The following C3orf85 variants were observed in gnomAD, a reference collection of about 807,000 sequenced individuals.
The protein encoded by C3orf85 is uncharacterized protein C3orf85.
Under a neutral mutation model 1.7 loss-of-function variants are expected in C3orf85, and 1 was observed. The observed-to-expected ratio is 0.60, with a 90% CI of 0.21 to 2.86. The LOEUF is 2.86. C3orf85 is among the 30% of genes most tolerant of loss of function. The pLI, the probability that C3orf85 is intolerant of heterozygous loss-of-function variation, is 0.22. For missense variants in C3orf85, 29 were observed against 21.3 expected, an observed-to-expected ratio of 1.36 and a Z score of -0.72; for synonymous variants, 17 against 8.0, an observed-to-expected ratio of 2.13 and a Z score of -1.90.
intron 2 of C3orf85, among the ~76,000 whole-genome samples, chr3:109,139,299 G>A (rs1381321958): frequency 2.0e-5 from 3 of 152,320 alleles, no homozygotes; most frequent in Middle Eastern, 3.4e-3. Flanking sequence ...GGTAGAGGCA[G>A]TATCATAGCC....
intron 2 of C3orf85, among the ~76,000 whole-genome samples, chr3:109,143,687 A>G (rs1236919656): frequency 6.6e-6 from 1 of 152,200 alleles, no homozygotes; most frequent in Non-Finnish European, 1.5e-5. Flanking sequence ...TACATTCCAG[A>G]TCAAAATATT....
At chr3:109,143,277 G>A (rs1408046412) in intron 2 of C3orf85, among the ~76,000 whole-genome samples, 3 of 152,136 alleles carry the variant, frequency 2.0e-5, no homozygotes, top group Non-Finnish European at 4.4e-5. Flanking sequence ...CCTACCACAA[G>A]TATCATTTCA....
chr3:109,142,980 T>C (rs1706757146), intron 2 of C3orf85, among the ~76,000 whole-genome samples: 1 of 152,200 alleles, frequency 6.6e-6, no homozygotes, highest in Non-Finnish European at 1.5e-5. Flanking sequence ...CAATTGCAGG[T>C]TGCAGAACCA....
chr3:109,149,051 A>G (rs1395392838), intron 3 of C3orf85: 1 of 152,234 alleles, frequency 6.6e-6, no homozygotes, highest in Non-Finnish European at 1.5e-5. Flanking sequence ...TGATAGAAGA[A>G]GACATTAAAA....
At chr3:109,141,716 G>A (rs1369946401) in intron 2 of C3orf85, among the ~76,000 whole-genome samples, 1 of 152,204 alleles carries the variant, frequency 6.6e-6, no homozygotes, top group African/African-American at 2.4e-5. Context: ...AAATAAAATA[G>A]CTATGCCATT....
intron 2 of C3orf85, among the ~76,000 whole-genome samples, chr3:109,140,859 G>A (rs1706736952): frequency 6.6e-6 from 1 of 152,186 alleles, no homozygotes; most frequent in African/African-American, 2.4e-5. Flanking sequence ...ACCACTTCCT[G>A]TTTACTTTCC....
chr3:109,140,390 C>T (rs1025619336), intron 2 of C3orf85, among the ~76,000 whole-genome samples: 4 of 152,170 alleles, frequency 2.6e-5, no homozygotes, highest in African/African-American at 9.7e-5. Flanking sequence ...GGTTCCTACA[C>T]AGGAACAGGA....
intron 2 of C3orf85, among the ~76,000 whole-genome samples, chr3:109,147,050 G>C (rs1706807717): frequency 6.6e-6 from 1 of 152,002 alleles, no homozygotes; most frequent in African/African-American, 2.4e-5. Flanking sequence ...TTAAGATACT[G>C]AAACACATCA....
intron 2 of C3orf85, 113 bp from the exon 3 acceptor site, chr3:109,148,140 C>A: frequency 1.6e-6 from 1 of 609,058 alleles, no homozygotes; most frequent in East Asian, 2.7e-5. Context: ...TCCAGAGTTT[C>A]CTCCTCAGGC....
intron 2 of C3orf85, among the ~76,000 whole-genome samples, chr3:109,145,517 G>C (rs1706788928): frequency 6.6e-6 from 1 of 152,130 alleles, no homozygotes; most frequent in South Asian, 2.1e-4. Context: ...GTTTCTGTTT[G>C]AGACAATGAA....
intron 2 of C3orf85, among the ~76,000 whole-genome samples, chr3:109,144,633 C>T (rs1245999639): frequency 1.3e-5 from 2 of 152,144 alleles, no homozygotes; most frequent in African/African-American, 4.8e-5. Context: ...TTAAAGCATG[C>T]TTCTCTGCCA....
chr3:109,148,308 C>T lies in C3orf85; in HGVS notation c.105C>T (p.Leu35=). The change falls in exon 3 of 4, where the codon CTC becomes CTT. Residue 35 remains leucine, a synonymous_variant. Coordinates refer to ENST00000622536, the MANE Select transcript of C3orf85 (RefSeq NM_001351622.2). ...LEDPANQFLR[L]KRHVNLQDYW... is the part of the protein sequence containing the mutation. ...ACCCTGCAAACCAGTTCCTACGTCT[C>T]AAAAGACATGTAAATTTGCAGGATT... 1 of 702,704 alleles carries T rather than the reference C, an allele frequency of 1.4e-6. No homozygotes were observed. The highest frequency in any genetic ancestry group is 2.6e-6 in the Non-Finnish European group (1 of 384,786). 43.5% of individuals were successfully genotyped at this position (702,704 alleles called of 1,614,324 possible). A position where few individuals can be genotyped will look rare whatever the true frequency, so the allele number is the denominator to read the frequency against.
At chr3:109,140,017 C>T (rs534052240) in intron 2 of C3orf85, among the ~76,000 whole-genome samples, 4 of 152,246 alleles carry the variant, frequency 2.6e-5, no homozygotes, top group African/African-American at 9.6e-5. Context: ...GAAGACTAGC[C>T]CTTTTCAGTC....
intron 2 of C3orf85, among the ~76,000 whole-genome samples, chr3:109,141,023 G>T (rs1706738359): frequency 6.6e-6 from 1 of 152,170 alleles, no homozygotes; most frequent in African/African-American, 2.4e-5. Context: ...GTCTCTCTCT[G>T]TCGCTCAGGC....
intron 2 of C3orf85, 103 bp from the exon 3 acceptor site, chr3:109,148,150 C>G: frequency 1.6e-6 from 1 of 613,658 alleles, no homozygotes. Context: ...CCTCCTCAGG[C>G]CCCCAGCCTA....
chr3:109,148,417 C>A (rs571425307), intron 3 of C3orf85, 31 bp downstream of exon 3: 1 of 702,156 alleles, frequency 1.4e-6, no homozygotes, highest in Non-Finnish European at 2.6e-6. Flanking sequence ...TGGTCCTTCA[C>A]CATTTATCTT....
chr3:109,147,803 T>C (rs897457137), intron 2 of C3orf85, among the ~76,000 whole-genome samples: 3 of 152,244 alleles, frequency 2.0e-5, no homozygotes, highest in Non-Finnish European at 2.9e-5. Context: ...AAGAATAAGA[T>C]TGTTGACTGC....
chr3:109,147,981 C>G (rs1411700641), intron 2 of C3orf85, among the ~76,000 whole-genome samples: 1 of 152,100 alleles, frequency 6.6e-6, no homozygotes, highest in East Asian at 1.9e-4. Context: ...GTGGAGGCCC[C>G]CATGCATGTA....
chr3:109,142,796 A>T (rs565670729), intron 2 of C3orf85, among the ~76,000 whole-genome samples: 1 of 152,162 alleles, frequency 6.6e-6, no homozygotes, highest in African/African-American at 2.4e-5. Context: ...CCCTCCAACA[A>T]ATAGCACCCT....
Sources: gnomAD v4.1 joint callset for allele counts (sites outside exome capture counted in the v4.1 genomes callset) on GRCh38, gnomAD v4.1.1 for gene constraint, MANE v1.5 for transcripts, NCBI Gene and HGNC (gene_info 2026-07-23, HGNC 2026-07-21) for gene names.